Variants in RAI1 observed in about 807,000 individuals in gnomAD.
The protein encoded by RAI1 is retinoic acid induced 1, also known as retinoic acid-induced protein 1.
A neutral mutation model predicts 123.8 loss-of-function variants in RAI1; 9 were observed. The observed-to-expected ratio is 0.07, with a 90% CI of 0.04 to 0.13. The LOEUF (loss-of-function observed/expected upper bound fraction) is 0.13, where lower values mean the gene tolerates loss of function less well. RAI1 is among the 10% of genes least tolerant of loss of function. The pLI is 1.00. For synonymous variants in RAI1, 1,231 were observed against 1,127.3 expected, an observed-to-expected ratio of 1.09 and a Z score of -1.84; for missense variants, 2,256 against 2,545.8, an observed-to-expected ratio of 0.89 and a Z score of 2.45.
Position 17,799,376 on chromosome 17 carries a change from G to A in RAI1, c.5565+863G>A, listed in dbSNP as rs927282852. ...TGGTGACAGCAGGGTGACGTTCTTC[G>A]TGGTGTCACCACTTCCCCAGTACCA... On this transcript the variant is annotated intron_variant, in intron 3 of 5. Coordinates refer to ENST00000353383, the MANE Select transcript of RAI1 (RefSeq NM_030665.4). This position sits in a 1 kb window ranked among gnomAD's most constrained non-coding sequence, Gnocchi z 4.5. 3.9e-5 allele frequency among the ~76,000 whole-genome samples: 6 copies of A among 152,110 alleles called. No homozygotes were observed. The highest frequency in any genetic ancestry group is 1.3e-4 in the Admixed American group (2 of 15,280).
rs2032662137 is a variant in RAI1 at position 17,809,483 on chromosome 17, G to A, written c.5709+44G>A. ...TTGTAGGGCGAGGGGTGTCAAGCGG[G>A]AGAGGAGCCCCACCTCGCACCTCCT... On this transcript the variant is annotated intron_variant, in intron 5 of 5. Coordinates refer to ENST00000353383, the MANE Select transcript of RAI1 (RefSeq NM_030665.4). The surrounding 1 kb of genome is among the most constrained non-coding windows in gnomAD (Gnocchi z 4.9). The A allele has an allele frequency of 6.5e-7, 1 of 1,540,236 alleles. No individual in the cohort carries two copies. Among genetic ancestry groups the A allele is most frequent in the African/African-American group, 1.4e-5 (1 of 73,192 alleles).
intron 4 of RAI1, among the ~76,000 whole-genome samples, chr17:17,806,909 C>A (rs779781327): frequency 4.0e-5 from 6 of 151,842 alleles, no homozygotes; most frequent in Non-Finnish European, 7.4e-5. Flanking sequence ...GGGGAGGGGA[C>A]TGGGCTGCTC....
Position 17,800,182 on chromosome 17 carries a change from C to CTCTG in RAI1, c.5565+1672_5565+1673insGTCT, listed in dbSNP as rs1555566535. ...TCTCCTGCTTTCTGTCTCTCTCTGT[C>CTCTG]TCTCTCTCTCTCTCTCTCTCTCTCT... On this transcript the variant is annotated intron_variant, in intron 3 of 5. Transcript: ENST00000353383. The surrounding 1 kb of genome is among the most constrained non-coding windows in gnomAD (Gnocchi z 4.7). Among the ~76,000 whole-genome samples the CTCTG allele has an allele frequency of 3.1e-5, 1 of 31,874 alleles. No individual in the cohort carries two copies. Among genetic ancestry groups the CTCTG allele is most frequent in the African/African-American group, 2.3e-4 (1 of 4,302 alleles). The allele number at this position is 31,874 out of a possible 152,430, so 20.9% of individuals were successfully genotyped here.
intron 1 of RAI1, among the ~76,000 whole-genome samples, chr17:17,709,265 T>G (rs1915488358): frequency 6.6e-6 from 1 of 152,182 alleles, no homozygotes; most frequent in South Asian, 2.1e-4. Context: ...GAGCTGGAGC[T>G]GGCTGGGCTC....
chr17:17,781,046 C>T (rs1410828363), intron 2 of RAI1, among the ~76,000 whole-genome samples: 3 of 152,222 alleles, frequency 2.0e-5, no homozygotes, highest in Non-Finnish European at 4.4e-5. Flanking sequence ...GAATCTCCAC[C>T]CCCCACCAGA....
chr17:17,778,392 C>G (rs2031430759), intron 2 of RAI1: 2 of 241,900 alleles, frequency 8.3e-6, no homozygotes, highest in Non-Finnish European at 1.7e-5. Context: ...TGCCAGCTAC[C>G]AAGCACATTA....
intron 1 of RAI1, among the ~76,000 whole-genome samples, chr17:17,701,822 A>G (rs1270717745): frequency 6.6e-6 from 1 of 152,138 alleles, no homozygotes; most frequent in African/African-American, 2.4e-5. Context: ...CAGAGACCAA[A>G]GCCTGAAGCA....
chr17:17,778,647 A>T (rs935005485), intron 2 of RAI1: 48 of 442,872 alleles, frequency 1.1e-4, no homozygotes, highest in African/African-American at 9.4e-4. Context: ...CCCAGCCCCT[A>T]TGAGCCCTCA....
chr17:17,755,068 C>T (rs937311792), intron 2 of RAI1, among the ~76,000 whole-genome samples: 1 of 152,228 alleles, frequency 6.6e-6, no homozygotes, highest in African/African-American at 2.4e-5. Flanking sequence ...ATGCCTCCCC[C>T]TGAAGGCTTT....
At chr17:17,758,658 C>T (rs2030548646) in intron 2 of RAI1, among the ~76,000 whole-genome samples, 1 of 152,232 alleles carries the variant, frequency 6.6e-6, no homozygotes, top group African/African-American at 2.4e-5. Context: ...CAATCCCTGT[C>T]GCATCTGGCT....
chr17:17,699,997 C>T (rs571842398), intron 1 of RAI1, among the ~76,000 whole-genome samples: 1 of 152,348 alleles, frequency 6.6e-6, no homozygotes, highest in Non-Finnish European at 1.5e-5. Context: ...ATCACAAGAG[C>T]AAGTATCCAC....
At chr17:17,709,176 T>C (rs1055751069) in intron 1 of RAI1, among the ~76,000 whole-genome samples, 1 of 152,084 alleles carries the variant, frequency 6.6e-6, no homozygotes, top group Non-Finnish European at 1.5e-5. Flanking sequence ...CCGGGCACTG[T>C]GCTGAGAGAC....
At chr17:17,705,263 A>G (rs1199219360) in intron 1 of RAI1, among the ~76,000 whole-genome samples, 1 of 152,244 alleles carries the variant, frequency 6.6e-6, no homozygotes, top group Non-Finnish European at 1.5e-5. Context: ...ATCTGTTTCT[A>G]TAATTGTTTG....
chr17:17,794,300 AGCT>A lies in RAI1; in HGVS notation c.1359_1361del (p.Leu454del). 1 of 1,613,270 alleles carries A rather than the reference AGCT, an allele frequency of 6.2e-7. No individual in the cohort carries two copies. Among genetic ancestry groups the A allele is most frequent in the Non-Finnish European group, 8.5e-7 (1 of 1,180,036 alleles). On this transcript the variant is annotated inframe_deletion, in exon 3 of 6. Coordinates refer to ENST00000353383, the MANE Select transcript of RAI1 (RefSeq NM_030665.4). ...GAGAACATCTCCAACACCGTCCAGC[AGCT>A]GCTGCTCTCCAAGGCTGCTGTGCCG...
Position 17,793,584 on chromosome 17 carries a change from T to C in RAI1, c.636T>C (p.His212=). ...CCCAGGGTACCCACTTTCCTCAGCA[T>C]TCCCAGTCCTTCCCCACCTCCTCCA... The part of the protein sequence containing the change: ...PFPQGTHFPQ[H]SQSFPTSSTY... The change falls in exon 3 of 6, where the codon CAT becomes CAC. Residue 212 remains histidine (H), a synonymous_variant. Transcript: ENST00000353383. The C allele has an allele frequency of 6.2e-7, 1 of 1,613,646 alleles. No individual in the cohort carries two copies. The highest frequency in any genetic ancestry group is 8.5e-7 in the Non-Finnish European group (1 of 1,179,926).
intron 2 of RAI1, among the ~76,000 whole-genome samples, chr17:17,768,178 G>A (rs1217774438): frequency 1.3e-5 from 2 of 152,188 alleles, no homozygotes; most frequent in Non-Finnish European, 2.9e-5. Context: ...GGACGTAGGG[G>A]ACACTGTCAG....
At chr17:17,717,433 G>A (rs779708699) in intron 1 of RAI1, among the ~76,000 whole-genome samples, 3 of 152,030 alleles carry the variant, frequency 2.0e-5, no homozygotes, top group Admixed American at 6.5e-5. Flanking sequence ...GCCCAGGACC[G>A]TGCCAGGGTG....
At chr17:17,707,775 G>A (rs1276871916) in intron 1 of RAI1, among the ~76,000 whole-genome samples, 4 of 152,120 alleles carry the variant, frequency 2.6e-5, no homozygotes, top group East Asian at 3.8e-4. Flanking sequence ...TGTATTTTTG[G>A]TAGAGACGGG....
rs147321650 is a variant in RAI1, at chr17:17,796,480, C to T, written c.3532C>T (p.Leu1178Phe). The T allele has an allele frequency of 1.2e-6, 2 of 1,611,646 alleles. No individual in the cohort carries two copies. The highest frequency in any genetic ancestry group is 8.5e-7 in the Non-Finnish European group (1 of 1,179,842). Residue 1178 changes from leucine (L) to phenylalanine (F), a missense_variant, in exon 3 of 6, where the codon CTC becomes TTC. Around this residue, in one of 7 missense-constraint regions of RAI1, gnomAD observed 322 missense variants for 358.0 expected, o/e 0.90. Transcript: ENST00000353383. This position sits in a 1 kb window ranked among gnomAD's most constrained non-coding sequence, Gnocchi z 5.8. ...CAACTGCCGTGCCACCAAGAAGCTC[C>T]TCGACAACAGCCACTTGCCCGCCAC... ...LPNCRATKKLLDNSHLPATFK... is the reference protein window; with the variant it reads ...LPNCRATKKLFDNSHLPATFK...
Sources: gnomAD v4.1 joint callset for allele counts (sites outside exome capture counted in the v4.1 genomes callset) on GRCh38, gnomAD v4.1.1 for gene constraint, gnomAD v4.1.1 regional missense constraint, Gnocchi (gnomAD v3.1) non-coding constraint, MANE v1.5 for transcripts, NCBI Gene and HGNC (gene_info 2026-07-23, HGNC 2026-07-21) for gene names.